Variants in MAP4 observed in about 807,000 individuals in gnomAD.
MAP4 encodes the protein microtubule-associated protein 4.
A neutral mutation model predicts 170.2 loss-of-function variants in MAP4; 76 were observed. That is an observed-to-expected ratio of 0.45 (90% CI 0.37 to 0.54). The LOEUF (loss-of-function observed/expected upper bound fraction) is 0.54, where lower values mean the gene tolerates loss of function less well. MAP4 is among the 20% of genes least tolerant of loss of function. The pLI is 0.00. For synonymous variants in MAP4, 909 were observed against 994.5 expected (o/e 0.91, Z 1.62); for missense variants, 2,506 against 2,748.0 (o/e 0.91, Z 1.97).
At chr3:47,929,314 C>T (rs1240606217) in intron 3 of MAP4, among the ~76,000 whole-genome samples, 3 of 152,056 alleles carry the variant, frequency 2.0e-5, no homozygotes, top group African/African-American at 4.8e-5. Context: ...CAAGATTGCG[C>T]CACTGCACTA....
At chr3:48,080,847 G>A (rs1362573012) in intron 1 of MAP4, among the ~76,000 whole-genome samples, 2 of 152,102 alleles carry the variant, frequency 1.3e-5, no homozygotes, top group African/African-American at 2.4e-5. Context: ...CCAGTTGGCC[G>A]GGCGCCCTGG....
chr3:47,854,565 G>A (rs542811449), intron 19 of MAP4, among the ~76,000 whole-genome samples: 10 of 152,208 alleles, frequency 6.6e-5, no homozygotes, highest in Non-Finnish European at 7.3e-5. Context: ...CCCCACCCAC[G>A]GATGACATGG....
chr3:48,039,547 AT>A (rs1477654375), intron 1 of MAP4: 1 of 152,420 alleles, frequency 6.6e-6, no homozygotes, highest in Non-Finnish European at 1.5e-5. Flanking sequence ...GATGCCAAAA[AT>A]AAATAAAAGT....
intron 3 of MAP4, among the ~76,000 whole-genome samples, chr3:47,951,631 C>T (rs1334226777): frequency 6.6e-6 from 1 of 152,168 alleles, no homozygotes; most frequent in Non-Finnish European, 1.5e-5. Flanking sequence ...GGATTGCAGA[C>T]GGAGTCTCGT....
At chr3:48,028,897 T>A (rs191173123) in intron 1 of MAP4, among the ~76,000 whole-genome samples, 1 of 151,808 alleles carries the variant, frequency 6.6e-6, no homozygotes, top group Admixed American at 6.6e-5. Flanking sequence ...AATCCCAGCA[T>A]ACTGGGAGGC....
intron 1 of MAP4, among the ~76,000 whole-genome samples, chr3:48,082,291 T>A (rs2100147014): frequency 6.6e-6 from 1 of 152,246 alleles, no homozygotes. Context: ...AGATTCTGTA[T>A]AACCTCACAG....
intron 3 of MAP4, among the ~76,000 whole-genome samples, chr3:47,940,932 C>T (rs1398559693): frequency 6.6e-6 from 1 of 151,992 alleles, no homozygotes; most frequent in Non-Finnish European, 1.5e-5. Context: ...GGCTGGAGTG[C>T]AATGGTGCAA....
chr3:48,004,195 TG>T (rs1394726226), intron 1 of MAP4, among the ~76,000 whole-genome samples: 1 of 152,174 alleles, frequency 6.6e-6, no homozygotes, highest in Non-Finnish European at 1.5e-5. Context: ...GGAGTTCTTT[TG>T]TTGGTTTGGG....
At chr3:48,004,531 A>T (rs2100101156) in intron 1 of MAP4, among the ~76,000 whole-genome samples, 1 of 152,216 alleles carries the variant, frequency 6.6e-6, no homozygotes, top group African/African-American at 2.4e-5. Flanking sequence ...CTGAGTCTCA[A>T]ATCTGCTAAG....
intron 10 of MAP4, among the ~76,000 whole-genome samples, chr3:47,880,432 T>C (rs2096512128): frequency 6.7e-6 from 1 of 150,048 alleles, no homozygotes. Flanking sequence ...ATTATTGCAC[T>C]AACCTTGTAT....
chr3:48,037,681 C>G (rs2100119428), intron 1 of MAP4, among the ~76,000 whole-genome samples: 2 of 152,094 alleles, frequency 1.3e-5, no homozygotes, highest in Admixed American at 1.3e-4. Flanking sequence ...AGGTGTGAAC[C>G]ACAGCACCCA....
At chr3:48,000,009 G>GT (rs1161846198) in intron 1 of MAP4, among the ~76,000 whole-genome samples, 1 of 151,830 alleles carries the variant, frequency 6.6e-6, no homozygotes, top group African/African-American at 2.4e-5. Context: ...GAGACCAGGA[G>GT]TTCAAGACCA....
chr3:47,940,603 GA>G (rs35077807), intron 3 of MAP4, among the ~76,000 whole-genome samples: 1 of 152,182 alleles, frequency 6.6e-6, no homozygotes, highest in South Asian at 2.1e-4. Flanking sequence ...GCATTTAACA[GA>G]AAAGGCATAT....
chr3:47,912,544 T>C, intron 8 of MAP4, 123 bp from the exon 9 acceptor site: 1 of 725,834 alleles, frequency 1.4e-6, no homozygotes, highest in Non-Finnish European at 2.1e-6. Flanking sequence ...CACTAATACA[T>C]ATAGTACTTA....
chr3:47,852,506 C>T lies in MAP4; in HGVS notation c.*428G>A. ...AGGTAGATCCAGGGAGAAGGGAGGG[C>T]ATGTCAGTTTCTTTTGGGTTTGGAC... On this transcript the variant is annotated 3_prime_UTR_variant, in exon 21 of 21. Coordinates refer to ENST00000683076, the MANE Select transcript of MAP4 (RefSeq NM_001385682.1). The T allele has an allele frequency of 2.3e-6, 1 of 435,154 alleles. No individual in the cohort carries two copies. The highest frequency in any genetic ancestry group is 4.1e-6 in the Non-Finnish European group (1 of 245,102). The allele number at this position is 435,154 out of a possible 1,614,324, so 27.0% of individuals were successfully genotyped here.
intron 3 of MAP4, among the ~76,000 whole-genome samples, chr3:47,947,671 C>T (rs1477606300): frequency 4.6e-5 from 7 of 151,434 alleles, no homozygotes; most frequent in Admixed American, 2.0e-4. Context: ...GTTAGCCAGG[C>T]GTGGTGGTGG....
At chr3:47,990,086 A>G (rs953852301) in intron 2 of MAP4, among the ~76,000 whole-genome samples, 16 of 152,356 alleles carry the variant, frequency 1.1e-4, no homozygotes, top group Non-Finnish European at 1.8e-4. Context: ...CAAAACAGCC[A>G]GGTCTCAATG....
At chr3:47,944,580 A>G (rs2154043386) in intron 3 of MAP4, among the ~76,000 whole-genome samples, 1 of 152,152 alleles carries the variant, frequency 6.6e-6, no homozygotes, top group African/African-American at 2.4e-5. Flanking sequence ...ACCAGAGAAT[A>G]TGCAAAATAC....
intron 3 of MAP4, chr3:47,973,343 C>T: frequency 5.1e-6 from 5 of 985,394 alleles, no homozygotes; most frequent in Non-Finnish European, 4.8e-6. Flanking sequence ...ACCAGTCTGG[C>T]TGCCTCACCA....
Sources: allele counts gnomAD v4.1 joint callset (sites outside exome capture counted in the v4.1 genomes callset), GRCh38; gene constraint gnomAD v4.1.1; transcripts MANE v1.5; gene names NCBI Gene and HGNC (gene_info 2026-07-23, HGNC 2026-07-21).